NKAIN3: variants seen among roughly 807,000 people sequenced by gnomAD.
The protein encoded by NKAIN3 is sodium/potassium-transporting ATPase subunit beta-1-interacting protein 3.
In NKAIN3, 25 loss-of-function variants were observed where a neutral mutation model predicts 30.2. That is an observed-to-expected ratio of 0.83 (90% CI 0.60 to 1.16). The LOEUF (loss-of-function observed/expected upper bound fraction) is 1.16. Ranked by LOEUF, NKAIN3 falls within the 50% of genes most tolerant of loss-of-function variation. NKAIN3 has a pLI of 0.00. For synonymous variants in NKAIN3, 91 were observed against 89.6 expected (o/e 1.02, Z -0.09); for missense variants, 225 against 254.1 (o/e 0.89, Z 0.78).
At position 62,259,290 on chromosome 8, in the gene NKAIN3, A is replaced by G. The variant is rs77972429; in HGVS notation, c.54+10163A>G. ...TACTTTCTATGTTGCACTTTTCAGTAACATTAATTTTGAAAAAGAGGAGAG... is the reference window on the plus strand; with the variant it reads ...TACTTTCTATGTTGCACTTTTCAGTGACATTAATTTTGAAAAAGAGGAGAG... On this transcript the variant is annotated intron_variant, in intron 1 of 6. Coordinates refer to ENST00000623646, the MANE Select transcript of NKAIN3 (RefSeq NM_001304533.3). 3.6e-3 allele frequency among the ~76,000 whole-genome samples: 546 copies of G among 152,272 alleles called. 7 individuals are homozygous for G. The South Asian group carries it at 0.054, about 15-fold the overall frequency.
At chr8:62,889,012 T>C (rs1171425712) in intron 4 of NKAIN3, among the ~76,000 whole-genome samples, 1 of 152,166 alleles carries the variant, frequency 6.6e-6, no homozygotes, top group Non-Finnish European at 1.5e-5. Context: ...GTGTCAGCAA[T>C]GGACTAGATG....
rs370785435 is a variant in NKAIN3, at chr8:62,772,676, T to C, written c.471+25547T>C. Among the ~76,000 whole-genome samples the C allele has an allele frequency of 2.7e-3, 411 of 151,904 alleles. 3 individuals carry two copies. Among genetic ancestry groups the C allele is most frequent in the African/African-American group, 9.6e-3 (397 of 41,430 alleles). ...ATCTTTTGCCTACTTTTTTTTTTTT[T>C]TTTGAGATGGAGTCTTACTCCATCA... On this transcript the variant is annotated intron_variant, in intron 4 of 6. Coordinates refer to ENST00000623646, the MANE Select transcript of NKAIN3 (RefSeq NM_001304533.3).
intron 4 of NKAIN3, among the ~76,000 whole-genome samples, chr8:62,849,606 C>G (rs566947302): frequency 7.6e-6 from 1 of 130,890 alleles, no homozygotes; most frequent in South Asian, 3.0e-4. Context: ...CCCCTCCCCC[C>G]CACCCACCCC....
At chr8:62,467,224 G>C (rs1051105295) in intron 1 of NKAIN3, among the ~76,000 whole-genome samples, 5 of 152,142 alleles carry the variant, frequency 3.3e-5, no homozygotes, top group Non-Finnish European at 7.3e-5. Flanking sequence ...AACCAAGTCA[G>C]AGATTCTGGT....
At chr8:62,732,330 C>A (rs1295801959) in intron 3 of NKAIN3, among the ~76,000 whole-genome samples, 1 of 151,956 alleles carries the variant, frequency 6.6e-6, no homozygotes, top group Non-Finnish European at 1.5e-5. Context: ...AAATATTTCT[C>A]ATTTTTCTTT....
intron 4 of NKAIN3, among the ~76,000 whole-genome samples, chr8:62,765,016 G>A (rs565193550): frequency 1.2e-3 from 179 of 152,140 alleles, no homozygotes; most frequent in Non-Finnish European, 2.2e-3. Flanking sequence ...AGGCCAAGGC[G>A]GGCAGATCAC....
At chr8:62,487,059 C>T (rs1806925090) in intron 1 of NKAIN3, among the ~76,000 whole-genome samples, 1 of 152,144 alleles carries the variant, frequency 6.6e-6, no homozygotes, top group East Asian at 1.9e-4. Flanking sequence ...ACTGAAATGC[C>T]AGATTCGTGG....
chr8:62,760,641 G>A (rs1335808875), intron 4 of NKAIN3, among the ~76,000 whole-genome samples: 1 of 138,792 alleles, frequency 7.2e-6, no homozygotes, highest in African/African-American at 2.6e-5. Flanking sequence ...TGGGGGGAGG[G>A]GGGAGGGATA....
chr8:62,940,150 TA>T lies in NKAIN3; in HGVS notation c.533-13740del, dbSNP rs34706177. ...AAACAAACTTCAAAGCAACAACAGT[TA>T]AAAAAAAAAAAGACAAAAAGGGACA... is the stretch of plus-strand genomic sequence containing the variant. On this transcript the variant is annotated intron_variant, in intron 5 of 6. Coordinates refer to ENST00000623646, the MANE Select transcript of NKAIN3 (RefSeq NM_001304533.3). 7.0e-3 allele frequency among the ~76,000 whole-genome samples: 1,023 copies of T among 145,344 alleles called. 8 individuals are homozygous for T. The highest frequency in any genetic ancestry group is 0.018 in the African/African-American group (725 of 39,830).
At chr8:62,673,655 A>G (rs1209652512) in intron 3 of NKAIN3, among the ~76,000 whole-genome samples, 1 of 152,198 alleles carries the variant, frequency 6.6e-6, no homozygotes, top group Non-Finnish European at 1.5e-5. Context: ...ACAAACCCAG[A>G]TGGTAGTGCC....
intron 3 of NKAIN3, among the ~76,000 whole-genome samples, chr8:62,629,751 G>T (rs1276473156): frequency 6.6e-6 from 1 of 152,010 alleles, no homozygotes; most frequent in African/African-American, 2.4e-5. Context: ...GGAATTTTGG[G>T]GTAACATATG....
At chr8:62,698,869 T>C (rs1456759107) in intron 3 of NKAIN3, among the ~76,000 whole-genome samples, 1 of 152,170 alleles carries the variant, frequency 6.6e-6, no homozygotes, top group African/African-American at 2.4e-5. Flanking sequence ...TCCCTTGTGA[T>C]TGACATCAAT....
chr8:62,298,641 G>A lies in NKAIN3; in HGVS notation c.54+49514G>A, dbSNP rs141896166. 2.0e-3 allele frequency among the ~76,000 whole-genome samples: 300 copies of A among 152,042 alleles called. 1 individual carries two copies. Among genetic ancestry groups the A allele is most frequent in the African/African-American group, 6.4e-3 (267 of 41,470 alleles). On this transcript the variant is annotated intron_variant, in intron 1 of 6. Coordinates refer to ENST00000623646, the MANE Select transcript of NKAIN3 (RefSeq NM_001304533.3). ...GCTTTCCCAAGTGCTACTCCTCCTC[G>A]GTAAGCCATGTGTGTATCACCTTTC...
At chr8:62,333,139 C>A (rs938520045) in intron 1 of NKAIN3, among the ~76,000 whole-genome samples, 7 of 152,080 alleles carry the variant, frequency 4.6e-5, no homozygotes, top group Admixed American at 2.6e-4. Flanking sequence ...TCTCTATCAA[C>A]TTTTCCCTTA....
At chr8:62,778,564 T>G (rs1817257398) in intron 4 of NKAIN3, among the ~76,000 whole-genome samples, 1 of 152,054 alleles carries the variant, frequency 6.6e-6, no homozygotes, top group South Asian at 2.1e-4. Context: ...TAAGTCACCT[T>G]GTAGTGAATA....
At chr8:62,509,861 G>A (rs1209419935) in intron 1 of NKAIN3, among the ~76,000 whole-genome samples, 1 of 152,112 alleles carries the variant, frequency 6.6e-6, no homozygotes, top group African/African-American at 2.4e-5. Context: ...TATAGGCAAA[G>A]CATTCTATTA....
chr8:62,507,266 A>G (rs1438204572), intron 1 of NKAIN3, among the ~76,000 whole-genome samples: 2 of 152,212 alleles, frequency 1.3e-5, no homozygotes, highest in African/African-American at 4.8e-5. Context: ...ATGTGAACAA[A>G]GCGTAAATGC....
At chr8:62,453,774 T>G (rs781582844) in intron 1 of NKAIN3, among the ~76,000 whole-genome samples, 1 of 152,058 alleles carries the variant, frequency 6.6e-6, no homozygotes, top group Non-Finnish European at 1.5e-5. Context: ...CTAGAAAACA[T>G]AGAAGAAATT....
chr8:62,868,026 G>C (rs567930326), intron 4 of NKAIN3, among the ~76,000 whole-genome samples: 3 of 152,322 alleles, frequency 2.0e-5, no homozygotes, highest in African/African-American at 7.2e-5. Flanking sequence ...AGGAAACCTT[G>C]TTCAAGATTC....
Sources: gnomAD v4.1 joint callset for allele counts (sites outside exome capture counted in the v4.1 genomes callset) on GRCh38, gnomAD v4.1.1 for gene constraint, MANE v1.5 for transcripts, NCBI Gene and HGNC (gene_info 2026-07-23, HGNC 2026-07-21) for gene names.